The following PGBD5 variants were observed in gnomAD, a reference collection of about 807,000 sequenced individuals.
PGBD5 encodes piggyBac transposable element-derived protein 5.
PGBD5 carries 14 observed loss-of-function variants against 47.9 expected under a neutral mutation model. The observed-to-expected ratio is 0.29, with a 90% CI of 0.19 to 0.46. The LOEUF (loss-of-function observed/expected upper bound fraction) is 0.46, where lower values mean the gene tolerates loss of function less well. PGBD5 is among the 20% of genes least tolerant of loss of function. The pLI is 1.00. For synonymous variants in PGBD5, 316 were observed against 306.3 expected, an observed-to-expected ratio of 1.03 and a Z score of -0.33; for missense variants, 635 against 716.0, an observed-to-expected ratio of 0.89 and a Z score of 1.29.
At chr1:230,412,885 C>T (rs1657442961) in intron 1 of PGBD5, among the ~76,000 whole-genome samples, 1 of 152,102 alleles carries the variant, frequency 6.6e-6, no homozygotes, top group Non-Finnish European at 1.5e-5. Context: ...TTAAAGATTG[C>T]ATGCAATATC....
intron 3 of PGBD5, among the ~76,000 whole-genome samples, chr1:230,338,019 C>T (rs2102819337): frequency 6.6e-6 from 1 of 152,320 alleles, no homozygotes; most frequent in East Asian, 1.9e-4. Flanking sequence ...AAACAAAACA[C>T]AACACAAAAT....
intron 1 of PGBD5, among the ~76,000 whole-genome samples, chr1:230,399,534 G>T (rs1657082891): frequency 6.6e-6 from 1 of 152,158 alleles, no homozygotes. Context: ...GAGAAGGCAG[G>T]TACATGCCAT....
rs747987797 is a variant in PGBD5 at position 230,357,256 on chromosome 1, T to C, written c.397A>G (p.Asn133Asp). ...TGCACCACCATGTTCTTGAGGACGT[T>C]GTCTGGGACAAAGAGCTGGAAGAAG... ...VDFFQLFVPD[N>D]VLKNMVVQTN... is the part of the protein sequence containing the mutation. The change falls in exon 2 of 7, where the codon AAC becomes GAC. Residue 133 changes from asparagine (N) to aspartate (D), a missense_variant. By Grantham distance (23) the Asn-to-Asp change is conservative (BLOSUM62 1). Transcript: ENST00000391860. The surrounding 1 kb of genome is among the most constrained non-coding windows in gnomAD (Gnocchi z 5.7). The C allele has an allele frequency of 5.0e-6, 8 of 1,614,044 alleles. No individual in the cohort carries two copies. The Admixed American group carries it at 1.3e-4, about 27-fold the overall frequency.
intron 4 of PGBD5, among the ~76,000 whole-genome samples, 168 bp downstream of exon 4, chr1:230,336,940 G>GCA: frequency 6.6e-6 from 1 of 152,356 alleles, no homozygotes; most frequent in South Asian, 2.1e-4. Context: ...GCGGGATCCA[G>GCA]CACACAGGGT....
Position 230,356,932 on chromosome 1 carries a change from T to A in PGBD5, c.721A>T (p.Asn241Tyr), listed in dbSNP as rs775990365. The A allele has an allele frequency of 3.1e-6, 5 of 1,614,140 alleles. No homozygotes were observed. Among genetic ancestry groups the A allele is most frequent in the African/African-American group, 2.7e-5 (2 of 75,052 alleles). The change falls in exon 2 of 7, where the codon AAC (asparagine) becomes TAC (tyrosine). Residue 241 changes from asparagine (N) to tyrosine (Y), a missense_variant. Asn to Tyr is a moderately radical substitution (Grantham distance 143). Transcript: ENST00000391860. Reference protein sequence around the residue: ...KVQPFLDSLQNSFDSAFRPSQ... With the variant: ...KVQPFLDSLQYSFDSAFRPSQ... Reference sequence around the variant, plus strand: ...GGCCTGAAGGCAGAGTCGAAGCTGTTCTGCAGGGAGTCGAGGAAGGGCTGG... The same window carrying A: ...GGCCTGAAGGCAGAGTCGAAGCTGTACTGCAGGGAGTCGAGGAAGGGCTGG...
intron 5 of PGBD5, among the ~76,000 whole-genome samples, chr1:230,329,473 G>A (rs572787410): frequency 1.3e-5 from 2 of 152,316 alleles, no homozygotes; most frequent in Admixed American, 1.3e-4. Flanking sequence ...GAGCTGAGAA[G>A]TAGTCTCTAG....
chr1:230,392,124 G>GA (rs1487748949), intron 1 of PGBD5, among the ~76,000 whole-genome samples: 1 of 152,236 alleles, frequency 6.6e-6, no homozygotes, highest in Non-Finnish European at 1.5e-5. Flanking sequence ...TCTCTTAAGA[G>GA]TGCCTTGGTC....
At position 230,336,641 on chromosome 1, in the gene PGBD5, G is replaced by C. The variant is rs142813187; in HGVS notation, c.1075+467C>G. Among the ~76,000 whole-genome samples the C allele has an allele frequency of 2.1e-3, 320 of 152,270 alleles. 1 individual carries two copies. Among genetic ancestry groups the C allele is most frequent in the African/African-American group, 7.4e-3 (308 of 41,538 alleles). On this transcript the variant is annotated intron_variant, in intron 4 of 6. Coordinates refer to ENST00000391860, the MANE Select transcript of PGBD5 (RefSeq NM_001258311.2). ...TGCCATGCATGCACCAAACACCTGAGCACCCGGAGTACCTAAGGCTTTTCT... is the reference window on the plus strand; with the variant it reads ...TGCCATGCATGCACCAAACACCTGACCACCCGGAGTACCTAAGGCTTTTCT...
chr1:230,376,730 G>A (rs560512537), intron 1 of PGBD5, among the ~76,000 whole-genome samples: 10 of 152,276 alleles, frequency 6.6e-5, no homozygotes, highest in African/African-American at 2.2e-4. Flanking sequence ...GGCTGAGGCA[G>A]GTGACTCAGT....
intron 1 of PGBD5, among the ~76,000 whole-genome samples, chr1:230,371,667 G>T (rs1216458399): frequency 6.6e-6 from 1 of 152,166 alleles, no homozygotes; most frequent in African/African-American, 2.4e-5. Context: ...TAATTTTGAG[G>T]TGTCCGGTAA....
At position 230,340,966 on chromosome 1, in the gene PGBD5, G is replaced by A. The variant is rs535342309; in HGVS notation, c.895-3678C>T. ...TGGACGCTCAACTGGGATGTCACAG[G>A]AGAAGGGGACAGGCACTGAGCTAAA... is the stretch of plus-strand genomic sequence containing the variant. On this transcript the variant is annotated intron_variant, in intron 3 of 6. Coordinates refer to ENST00000391860, the MANE Select transcript of PGBD5 (RefSeq NM_001258311.2). Among the ~76,000 whole-genome samples, 9 of 152,254 alleles carry A rather than the reference G, an allele frequency of 5.9e-5. No individual in the cohort carries two copies. In the East Asian group the frequency reaches 1.7e-3, roughly 29 times the overall value.
chr1:230,335,774 GACAC>G lies in PGBD5; in HGVS notation c.1075+1330_1075+1333del, dbSNP rs1328004368. On this transcript the variant is annotated intron_variant, in intron 4 of 6. Coordinates refer to ENST00000391860, the MANE Select transcript of PGBD5 (RefSeq NM_001258311.2). ...ACACACAGATACACAGATACAGACA[GACAC>G]ACACACACACACAGGCACAAAGACA... Among the ~76,000 whole-genome samples the G allele has an allele frequency of 9.3e-3, 2 of 216 alleles. 1 individual carries two copies. Among genetic ancestry groups the G allele is most frequent in the Non-Finnish European group, 0.031 (2 of 64 alleles). The allele number at this position is 216 out of a possible 152,430, so 0.1% of individuals were successfully genotyped here. A position where few individuals can be genotyped will look rare whatever the true frequency, so the allele number is the denominator to read the frequency against.
At chr1:230,330,504 T>A (rs2102813929) in intron 5 of PGBD5, among the ~76,000 whole-genome samples, 1 of 152,314 alleles carries the variant, frequency 6.6e-6, no homozygotes, top group South Asian at 2.1e-4. Context: ...AGGGAAGGAA[T>A]ACTAGGTACA....
chr1:230,335,021 C>T (rs543319633), intron 4 of PGBD5, among the ~76,000 whole-genome samples: 2 of 140,294 alleles, frequency 1.4e-5, no homozygotes, highest in Admixed American at 7.0e-5. Flanking sequence ...CTACCCCACT[C>T]GACACAGACA....
At chr1:230,367,655 G>A (rs553603460) in intron 1 of PGBD5, among the ~76,000 whole-genome samples, 30 of 152,270 alleles carry the variant, frequency 2.0e-4, no homozygotes, top group African/African-American at 5.1e-4. Flanking sequence ...CCACGACTGC[G>A]TCACTGCACT....
At chr1:230,370,091 CGT>C (rs1667905382) in intron 1 of PGBD5, among the ~76,000 whole-genome samples, 1 of 152,154 alleles carries the variant, frequency 6.6e-6, no homozygotes, top group Non-Finnish European at 1.5e-5. Context: ...AGATGCAGAA[CGT>C]AACACGGAAA....
chr1:230,414,079 G>A (rs1004369401), intron 1 of PGBD5, among the ~76,000 whole-genome samples: 5 of 152,144 alleles, frequency 3.3e-5, no homozygotes, highest in Admixed American at 6.5e-5. Flanking sequence ...TAGGTTAGTC[G>A]TTTGGGATTA....
chr1:230,405,029 C>T (rs1258921380), intron 1 of PGBD5, among the ~76,000 whole-genome samples: 1 of 148,098 alleles, frequency 6.8e-6, no homozygotes, highest in Non-Finnish European at 1.5e-5. Flanking sequence ...CCCGTCTCCA[C>T]TAAAAATACA....
rs140590096 is a variant in PGBD5 at position 230,405,319 on chromosome 1, C to A, written c.331+20279G>T. 4.9e-3 allele frequency among the ~76,000 whole-genome samples: 747 copies of A among 152,282 alleles called. 8 individuals carry two copies. The highest frequency in any genetic ancestry group is 0.017 in the African/African-American group (714 of 41,562). On this transcript the variant is annotated intron_variant, in intron 1 of 6. Transcript: ENST00000391860. The stretch of plus-strand genomic sequence containing the variant: ...CCTTCCTCCTCTGCCACCCCTGAGA[C>A]AGCAAGACCAATCCCTCCTCATCCT...
Sources: gnomAD v4.1 joint callset for allele counts (sites outside exome capture counted in the v4.1 genomes callset) on GRCh38, gnomAD v4.1.1 for gene constraint, Gnocchi (gnomAD v3.1) non-coding constraint, MANE v1.5 for transcripts, NCBI Gene and HGNC (gene_info 2026-07-23, HGNC 2026-07-21) for gene names.